The following SORCS1 variants were observed in gnomAD, a reference collection of about 807,000 sequenced individuals.
The protein encoded by SORCS1 is sortilin related VPS10 domain containing receptor 1, also known as VPS10 domain-containing receptor SorCS1.
SORCS1 carries 60 observed loss-of-function variants against 146.1 expected under a neutral mutation model. The ratio of observed to expected loss-of-function variants is 0.41; its 90% CI spans 0.33 to 0.51. SORCS1 has a LOEUF of 0.51. Ranked by LOEUF, SORCS1 falls within the 20% of genes least tolerant of loss-of-function variation. The pLI is 0.21. For missense variants in SORCS1, 1,352 were observed against 1,487.6 expected, an observed-to-expected ratio of 0.91 and a Z score of 1.50; for synonymous variants, 637 against 584.0, an observed-to-expected ratio of 1.09 and a Z score of -1.31.
chr10:106,592,676 T>A (rs1755206147), intron 24 of SORCS1, among the ~76,000 whole-genome samples: 1 of 152,140 alleles, frequency 6.6e-6, no homozygotes, highest in Non-Finnish European at 1.5e-5. Flanking sequence ...CTTTTTTTTT[T>A]CTTTTAATTT....
At chr10:106,748,727 G>A (rs1474122199) in intron 5 of SORCS1, among the ~76,000 whole-genome samples, 1 of 152,010 alleles carries the variant, frequency 6.6e-6, no homozygotes, top group Non-Finnish European at 1.5e-5. Flanking sequence ...TCTGCTCTGT[G>A]GTCAATTTCT....
At chr10:106,635,530 G>A (rs1230337906) in intron 18 of SORCS1, among the ~76,000 whole-genome samples, 3 of 152,202 alleles carry the variant, frequency 2.0e-5, no homozygotes, top group Admixed American at 6.5e-5. Context: ...GGAGTGGAGT[G>A]AAGTGAGGGG....
chr10:106,896,516 T>C (rs1473378243), intron 2 of SORCS1, among the ~76,000 whole-genome samples: 2 of 151,454 alleles, frequency 1.3e-5, no homozygotes, highest in Non-Finnish European at 1.5e-5. Flanking sequence ...ACTTAATGGA[T>C]ACAGAGTTTG....
intron 3 of SORCS1, among the ~76,000 whole-genome samples, chr10:106,806,989 T>C (rs897030323): frequency 6.6e-6 from 1 of 152,084 alleles, no homozygotes; most frequent in African/African-American, 2.4e-5. Context: ...AATAAAGGCA[T>C]GGGGAAAAAA....
intron 2 of SORCS1, among the ~76,000 whole-genome samples, chr10:106,874,724 A>T (rs1174428307): frequency 6.6e-6 from 1 of 152,218 alleles, no homozygotes; most frequent in Non-Finnish European, 1.5e-5. Flanking sequence ...AATGCCTTTA[A>T]GATGTATTAG....
In SORCS1 at chr10:106,699,239, C is replaced by T. The variant is rs751765356; in HGVS notation, c.1388G>A (p.Gly463Asp). ...ENVQSSRGPE[G>D]NIMIDLYEVA... ...CTCATAGAGGTCGATCATGATGTTG[C>T]CCTCAGGGCCTCTGCTGCTCTGGAC... Residue 463 changes from glycine to aspartate, a missense_variant, in exon 9 of 26, where the codon GGC (glycine) becomes GAC (aspartate). Physicochemically the swap from Gly to Asp is moderately conservative, Grantham distance 94 (BLOSUM62 -1). This residue lies in a region of SORCS1 where 648 missense variants were observed against 793.8 expected (regional missense o/e 0.82). Transcript: ENST00000263054. The T allele has an allele frequency of 6.2e-7, 1 of 1,613,114 alleles. No homozygotes were observed. The highest frequency in any genetic ancestry group is 8.5e-7 in the Non-Finnish European group (1 of 1,179,462).
chr10:107,054,251 T>C (rs1054125359), intron 1 of SORCS1, among the ~76,000 whole-genome samples: 5 of 152,160 alleles, frequency 3.3e-5, no homozygotes, highest in African/African-American at 1.2e-4. Flanking sequence ...ACAATGCAAA[T>C]ATTTTAACTA....
At chr10:106,997,308 C>G (rs1024531801) in intron 1 of SORCS1, among the ~76,000 whole-genome samples, 1 of 152,202 alleles carries the variant, frequency 6.6e-6, no homozygotes, top group African/African-American at 2.4e-5. Flanking sequence ...CTCTGTGTCC[C>G]TGACTGTCAC....
intron 1 of SORCS1, among the ~76,000 whole-genome samples, chr10:107,018,681 A>AG (rs1958002697): frequency 6.6e-6 from 1 of 150,702 alleles, no homozygotes; most frequent in African/African-American, 2.4e-5. Flanking sequence ...AAAAAAATTA[A>AG]AAAAAAAAAC....
intron 4 of SORCS1, among the ~76,000 whole-genome samples, chr10:106,764,026 C>T (rs923652727): frequency 6.6e-6 from 1 of 152,162 alleles, no homozygotes; most frequent in African/African-American, 2.4e-5. Context: ...TAATAGAGAA[C>T]ACAGGTTTCA....
chr10:106,730,069 C>T lies in SORCS1; in HGVS notation c.1005G>A (p.Glu335=). ...SNKEPDLVHL[E]ARTVDGHSHY... ...ACTTACGACCATCCACAGTTCTGGC[C>T]TCAAGATGCACAAGGTCTGGTTCTT... Residue 335 remains glutamate, a synonymous_variant, in exon 6 of 26, where the codon GAG becomes GAA. Coordinates refer to ENST00000263054, the MANE Select transcript of SORCS1 (RefSeq NM_052918.5). 6.2e-7 allele frequency: 1 copy of T among 1,614,114 alleles called. No individual in the cohort carries two copies. The highest frequency in any genetic ancestry group is 8.5e-7 in the Non-Finnish European group (1 of 1,180,010).
At chr10:106,757,554 T>G (rs189448713) in intron 5 of SORCS1, among the ~76,000 whole-genome samples, 79 of 152,334 alleles carry the variant, frequency 5.2e-4, no homozygotes, top group Middle Eastern at 6.8e-3. Flanking sequence ...ACAGACCATG[T>G]GGGCAGAGAC....
intron 23 of SORCS1, among the ~76,000 whole-genome samples, chr10:106,599,387 G>A (rs1023925634): frequency 2.7e-5 from 4 of 146,784 alleles, no homozygotes; most frequent in Non-Finnish European, 6.0e-5. Flanking sequence ...AAGAGGAGGA[G>A]GAGGAGGAGA....
intron 10 of SORCS1, among the ~76,000 whole-genome samples, chr10:106,680,229 G>T (rs11813785): frequency 0.057 from 8,641 of 152,206 alleles, 814 homozygotes; most frequent in African/African-American, 0.2. Flanking sequence ...AATATTTCAA[G>T]CCTGAGTAAC....
At chr10:106,974,571 G>A (rs949005518) in intron 1 of SORCS1, among the ~76,000 whole-genome samples, 6 of 152,280 alleles carry the variant, frequency 3.9e-5, no homozygotes, top group African/African-American at 1.2e-4. Flanking sequence ...ACCTTCACAC[G>A]CTCTAGAGGC....
intron 9 of SORCS1, among the ~76,000 whole-genome samples, chr10:106,691,394 T>G (rs897434114): frequency 6.6e-6 from 1 of 152,246 alleles, no homozygotes; most frequent in African/African-American, 2.4e-5. Context: ...CTAAGTGTGC[T>G]GGAATGCTAC....
intron 5 of SORCS1, among the ~76,000 whole-genome samples, chr10:106,737,725 G>A (rs1270015377): frequency 6.7e-6 from 1 of 148,818 alleles, no homozygotes; most frequent in Non-Finnish European, 1.5e-5. Context: ...AAGGATAAAA[G>A]TATGTGGGGG....
At chr10:106,940,615 G>C (rs1412623621) in intron 2 of SORCS1, among the ~76,000 whole-genome samples, 2 of 152,172 alleles carry the variant, frequency 1.3e-5, no homozygotes, top group Non-Finnish European at 2.9e-5. Flanking sequence ...TGGACATGGT[G>C]GCTCACGCCT....
intron 1 of SORCS1, among the ~76,000 whole-genome samples, chr10:106,997,041 T>TA (rs1957032834): frequency 6.6e-6 from 1 of 152,148 alleles, no homozygotes; most frequent in East Asian, 1.9e-4. Flanking sequence ...CATCCTTTTT[T>TA]TTTTTCTTTA....
Sources: allele counts gnomAD v4.1 joint callset (sites outside exome capture counted in the v4.1 genomes callset), GRCh38; gene constraint gnomAD v4.1.1; regional missense constraint gnomAD v4.1.1; transcripts MANE v1.5; gene names NCBI Gene and HGNC (gene_info 2026-07-23, HGNC 2026-07-21).